Variants in FARSB observed in about 807,000 individuals in gnomAD.
FARSB encodes the protein phenylalanyl-tRNA synthetase subunit beta, also known as phenylalanine--tRNA ligase beta subunit.
In FARSB, 40 loss-of-function variants were observed where a neutral mutation model predicts 69.6. The ratio of observed to expected loss-of-function variants is 0.57; its 90% CI spans 0.45 to 0.75. FARSB has a LOEUF of 0.75. FARSB is among the 30% of genes least tolerant of loss of function. FARSB has a pLI of 0.00. For synonymous variants in FARSB, 235 were observed against 247.2 expected, an observed-to-expected ratio of 0.95 and a Z score of 0.46; for missense variants, 632 against 722.9, an observed-to-expected ratio of 0.87 and a Z score of 1.44.
At chr2:222,598,975 C>A (rs1404898182) in intron 16 of FARSB, among the ~76,000 whole-genome samples, 1 of 150,262 alleles carries the variant, frequency 6.7e-6, no homozygotes, top group Non-Finnish European at 1.5e-5. Flanking sequence ...CATCTTCAAT[C>A]TAAAAAAACC....
chr2:222,620,331 G>A (rs1691106179), intron 13 of FARSB, among the ~76,000 whole-genome samples: 1 of 152,102 alleles, frequency 6.6e-6, no homozygotes, highest in Non-Finnish European at 1.5e-5. Flanking sequence ...ATACTGACTT[G>A]TGGCAGAACA....
chr2:222,621,758 TA>T (rs988551920), intron 13 of FARSB, among the ~76,000 whole-genome samples: 123 of 152,272 alleles, frequency 8.1e-4, no homozygotes, highest in African/African-American at 2.7e-3. Context: ...AGACTAGGCT[TA>T]AAAAAATGGC....
chr2:222,624,157 G>T, intron 12 of FARSB, 115 bp downstream of exon 12: 1 of 728,038 alleles, frequency 1.4e-6, no homozygotes, highest in Non-Finnish European at 2.4e-6. Context: ...GCCTCTCATT[G>T]CAGAGCATGT....
intron 1 of FARSB, among the ~76,000 whole-genome samples, chr2:222,651,790 A>G (rs906951912): frequency 6.6e-6 from 1 of 152,246 alleles, no homozygotes; most frequent in Non-Finnish European, 1.5e-5. Context: ...GAAATAGGAT[A>G]AAATAAAGTC....
At chr2:222,652,741 C>G (rs898725618) in intron 1 of FARSB, among the ~76,000 whole-genome samples, 5 of 152,208 alleles carry the variant, frequency 3.3e-5, no homozygotes, top group African/African-American at 9.6e-5. Flanking sequence ...AATCTGGTAA[C>G]AGATCCAGAG....
intron 16 of FARSB, among the ~76,000 whole-genome samples, chr2:222,573,140 C>G (rs1432359765): frequency 6.6e-6 from 1 of 152,088 alleles, no homozygotes; most frequent in Non-Finnish European, 1.5e-5. Context: ...GGGGAACCGG[C>G]TACTGTCAAG....
At chr2:222,577,257 A>G (rs1368597010) in intron 16 of FARSB, among the ~76,000 whole-genome samples, 1 of 152,112 alleles carries the variant, frequency 6.6e-6, no homozygotes, top group East Asian at 1.9e-4. Flanking sequence ...TAAAACACCT[A>G]TTTTCCCCTG....
At chr2:222,602,756 G>A (rs116049834) in intron 15 of FARSB, among the ~76,000 whole-genome samples, 48 of 152,060 alleles carry the variant, frequency 3.2e-4, no homozygotes, top group African/African-American at 1.0e-3. Context: ...ATGATGCTGC[G>A]TATTTCTATG....
Position 222,568,291 on chromosome 2 carries a change from A to T in FARSB, c.*3580T>A, listed in dbSNP as rs563240372. The T allele has an allele frequency of 1.3e-5, 2 of 152,278 alleles. No individual in the cohort carries two copies. Among genetic ancestry groups the T allele is most frequent in the East Asian group, 3.9e-4 (2 of 5,184 alleles). The allele number at this position is 152,278 out of a possible 1,614,324, so 9.4% of individuals were successfully genotyped here. On this transcript the variant is annotated 3_prime_UTR_variant, in exon 17 of 17. Coordinates refer to ENST00000281828, the MANE Select transcript of FARSB (RefSeq NM_005687.5). This position sits in a 1 kb window ranked among gnomAD's most constrained non-coding sequence, Gnocchi z 4.3. ...ACTTTTTGTCTCCCATTATTTTTAT[A>T]TTTTTAAAAAGTGTAGAAAGTCCCA... is the stretch of plus-strand genomic sequence containing the variant.
chr2:222,582,397 C>T (rs148865650), intron 16 of FARSB, among the ~76,000 whole-genome samples: 1 of 152,104 alleles, frequency 6.6e-6, no homozygotes, highest in Non-Finnish European at 1.5e-5. Context: ...GGTGTGTGCA[C>T]ACATACATCA....
intron 16 of FARSB, among the ~76,000 whole-genome samples, chr2:222,593,198 G>A (rs938797281): frequency 9.9e-5 from 15 of 152,074 alleles, no homozygotes; most frequent in South Asian, 2.1e-4. Flanking sequence ...GAAAAGGGGC[G>A]GGGCAGGGGG....
intron 16 of FARSB, among the ~76,000 whole-genome samples, chr2:222,572,626 G>A (rs914698535): frequency 6.6e-6 from 1 of 152,142 alleles, no homozygotes; most frequent in African/African-American, 2.4e-5. Context: ...TCTGAAAAGA[G>A]CTTTCTAAGC....
chr2:222,579,132 G>A (rs1267361184), intron 16 of FARSB, among the ~76,000 whole-genome samples: 2 of 152,214 alleles, frequency 1.3e-5, no homozygotes, highest in Non-Finnish European at 2.9e-5. Flanking sequence ...AAGGAGATTA[G>A]GAGGCTTGCC....
At chr2:222,644,379 A>C in intron 2 of FARSB, 4 of 324,452 alleles carry the variant, frequency 1.2e-5, no homozygotes, top group South Asian at 9.8e-5. Context: ...GAAAAACAAG[A>C]GAATGAAGAG....
chr2:222,586,122 T>A (rs563724696), intron 16 of FARSB, among the ~76,000 whole-genome samples: 1 of 152,210 alleles, frequency 6.6e-6, no homozygotes, highest in East Asian at 1.9e-4. Context: ...AAGGTCCAGT[T>A]ACCCACAAAG....
At chr2:222,572,052 A>G in intron 16 of FARSB, 30 bp from the exon 17 acceptor site, 1 of 1,599,936 alleles carries the variant, frequency 6.3e-7, no homozygotes, top group Non-Finnish European at 8.5e-7. Context: ...AGAAAAATCA[A>G]TGTTTCTTCT....
intron 16 of FARSB, among the ~76,000 whole-genome samples, chr2:222,580,727 A>G (rs1689945992): frequency 6.6e-6 from 1 of 152,158 alleles, no homozygotes; most frequent in South Asian, 2.1e-4. Flanking sequence ...CCCCAAATCA[A>G]CCTAGGAAAA....
Position 222,624,348 on chromosome 2 carries a change from A to G in FARSB, c.1094T>C (p.Val365Ala). The change falls in exon 12 of 17, where the codon GTA (valine) becomes GCA (alanine). Residue 365 changes from valine (V) to alanine (A), a missense_variant. Val to Ala is a moderately conservative substitution (Grantham distance 64). Transcript: ENST00000281828. ...TCCATAAGCAATAGCTGCATCTTCT[A>G]CAATATCACATGCATGGATAATGTC... Reference protein sequence around the residue: ...RADIIHACDIVEDAAIAYGYN... With the variant: ...RADIIHACDIAEDAAIAYGYN... 2 of 1,611,826 alleles carry G rather than the reference A, an allele frequency of 1.2e-6. No homozygotes were observed. Among genetic ancestry groups the G allele is most frequent in the South Asian group, 1.1e-5 (1 of 91,044 alleles).
At chr2:222,607,259 T>G (rs75301698) in intron 15 of FARSB, among the ~76,000 whole-genome samples, 5,315 of 152,252 alleles carry the variant, frequency 0.035, 145 homozygotes, top group Middle Eastern at 0.075. Context: ...TATCACACAT[T>G]TAGATGTTTA....
Sources: allele counts gnomAD v4.1 joint callset (sites outside exome capture counted in the v4.1 genomes callset), GRCh38; gene constraint gnomAD v4.1.1; non-coding constraint Gnocchi (gnomAD v3.1); transcripts MANE v1.5; gene names NCBI Gene and HGNC (gene_info 2026-07-23, HGNC 2026-07-21).